Variants in MARCO observed in about 807,000 individuals in gnomAD.
MARCO encodes the protein macrophage receptor MARCO.
MARCO carries 72 observed loss-of-function variants against 70.0 expected under a neutral mutation model. The ratio of observed to expected loss-of-function variants is 1.03; its 90% CI spans 0.85 to 1.25. MARCO has a LOEUF of 1.25. Ranked by LOEUF, MARCO falls within the 50% of genes most tolerant of loss-of-function variation. MARCO has a pLI of 0.00. For missense variants in MARCO, 696 were observed against 659.3 expected (o/e 1.06, Z -0.61); for synonymous variants, 273 against 243.1 (o/e 1.12, Z -1.14).
chr2:118,969,109 C>T lies in MARCO; in HGVS notation c.98-51C>T, dbSNP rs775351528. The T allele has an allele frequency of 3.0e-6, 4 of 1,332,024 alleles. No individual in the cohort carries two copies. In the African/African-American group the frequency reaches 5.8e-5, roughly 19 times the overall value. 82.5% of individuals were successfully genotyped at this position (1,332,024 alleles called of 1,614,324 possible). A position where few individuals can be genotyped will look rare whatever the true frequency, so the allele number is the denominator to read the frequency against. ...TAGGGCCTGGAGCAGGCAGGGACTT[C>T]CTGTGCTGTGTTCTCTGCAGCAGCC... On this transcript the variant is annotated intron_variant, in intron 1 of 16. Coordinates refer to ENST00000327097, the MANE Select transcript of MARCO (RefSeq NM_006770.4).
At chr2:118,963,076 A>G (rs1053130355) in intron 1 of MARCO, among the ~76,000 whole-genome samples, 5 of 151,274 alleles carry the variant, frequency 3.3e-5, no homozygotes, top group African/African-American at 9.7e-5. Context: ...ATTTTTCTCT[A>G]TCTTCCTATT....
intron 8 of MARCO, among the ~76,000 whole-genome samples, chr2:118,981,057 G>T (rs931952290): frequency 3.9e-5 from 6 of 152,250 alleles, no homozygotes; most frequent in Non-Finnish European, 7.4e-5. Context: ...GAATACTCAG[G>T]TTTCAATTTT....
intron 13 of MARCO, 27 bp downstream of exon 13, chr2:118,990,660 C>G (rs768320477): frequency 1.9e-6 from 3 of 1,582,208 alleles, no homozygotes; most frequent in Admixed American, 3.4e-5. Flanking sequence ...ATCTTCATCC[C>G]TCGGAGTGAT....
intron 8 of MARCO, 113 bp from the exon 9 acceptor site, chr2:118,981,296 A>C: frequency 1.4e-6 from 1 of 706,546 alleles, no homozygotes; most frequent in Non-Finnish European, 2.4e-6. Context: ...ACCAAGTAGG[A>C]GCTCAAGGAG....
At chr2:118,958,286 A>T (rs1679875932) in intron 1 of MARCO, among the ~76,000 whole-genome samples, 1 of 152,100 alleles carries the variant, frequency 6.6e-6, no homozygotes, top group African/African-American at 2.4e-5. Flanking sequence ...AGAACTGATA[A>T]AAGAATTCAG....
At chr2:118,951,560 T>C (rs1387656279) in intron 1 of MARCO, among the ~76,000 whole-genome samples, 1 of 152,224 alleles carries the variant, frequency 6.6e-6, no homozygotes, top group Non-Finnish European at 1.5e-5. Context: ...ATTGAATGCA[T>C]TTGGGCCATC....
chr2:118,950,834 T>G (rs1679709291), intron 1 of MARCO, among the ~76,000 whole-genome samples: 1 of 152,128 alleles, frequency 6.6e-6, no homozygotes, highest in South Asian at 2.1e-4. Context: ...GCCATTCTTT[T>G]CCAAAGTGAA....
chr2:118,969,316 C>T, intron 2 of MARCO, 55 bp downstream of exon 2: 2 of 1,409,634 alleles, frequency 1.4e-6, no homozygotes, highest in Admixed American at 1.7e-5. Context: ...GGTGACCCAG[C>T]TGGGCCCCTC....
At chr2:118,987,491 A>G (rs759344149) in intron 12 of MARCO, among the ~76,000 whole-genome samples, 9 of 152,238 alleles carry the variant, frequency 5.9e-5, no homozygotes, top group Non-Finnish European at 1.3e-4. Flanking sequence ...CATTAAATAC[A>G]TATCAGAAGG....
rs1228672382 is a variant in MARCO, at chr2:118,993,199, G to A, written c.1328G>A (p.Trp443Ter). Residue 443 changes from tryptophan to a stop codon, truncating the protein, a stop_gained, in exon 16 of 17, where the codon TGG (tryptophan) becomes TAG (stop). Coordinates refer to ENST00000327097, the MANE Select transcript of MARCO (RefSeq NM_006770.4). LOFTEE classifies it high-confidence loss of function. ...GCTGAAGTTTACTACAGTGGTACCT[G>A]GGGGACAATTTGCGATGACGAGTGG... ...GRAEVYYSGT[W>*]GTICDDEWQN... 6.2e-7 allele frequency: 1 copy of A among 1,614,178 alleles called. No homozygotes were observed. Among genetic ancestry groups the A allele is most frequent in the South Asian group, 1.1e-5 (1 of 91,084 alleles).
At chr2:118,981,254 G>T (rs1289700633) in intron 8 of MARCO, among the ~76,000 whole-genome samples, 155 bp from the exon 9 acceptor site, 1 of 152,124 alleles carries the variant, frequency 6.6e-6, no homozygotes, top group Non-Finnish European at 1.5e-5. Flanking sequence ...TGCACTCCTT[G>T]AGGGCAGCGG....
chr2:118,967,982 T>G (rs1447861278), intron 1 of MARCO, among the ~76,000 whole-genome samples: 1 of 152,194 alleles, frequency 6.6e-6, no homozygotes, highest in Non-Finnish European at 1.5e-5. Flanking sequence ...TAGACCAACC[T>G]GGGGTCATAT....
chr2:118,965,187 G>T (rs997882408), intron 1 of MARCO, among the ~76,000 whole-genome samples: 1 of 152,126 alleles, frequency 6.6e-6, no homozygotes, highest in Admixed American at 6.5e-5. Flanking sequence ...TGAATTGTAG[G>T]TGTTTTGTTA....
chr2:118,960,435 T>C (rs1395587239), intron 1 of MARCO, among the ~76,000 whole-genome samples: 1 of 152,152 alleles, frequency 6.6e-6, no homozygotes, highest in Non-Finnish European at 1.5e-5. Flanking sequence ...GAAGTTCTCC[T>C]CTATTTCTAG....
At chr2:118,972,172 A>G (rs1680185773) in intron 4 of MARCO, among the ~76,000 whole-genome samples, 1 of 152,146 alleles carries the variant, frequency 6.6e-6, no homozygotes, top group African/African-American at 2.4e-5. Flanking sequence ...GCTGTCTGAC[A>G]ATGGCATGTG....
chr2:118,959,874 G>C (rs10184214), intron 1 of MARCO, among the ~76,000 whole-genome samples: 55,327 of 151,934 alleles, frequency 0.36, 12,184 homozygotes, highest in African/African-American at 0.6. Context: ...AATGGAAAAC[G>C]AAACATCATA....
Position 118,994,512 on chromosome 2 carries a change from A to G in MARCO, c.1555A>G (p.Ser519Gly). 1 of 1,593,810 alleles carries G rather than the reference A, an allele frequency of 6.3e-7. No homozygotes were observed. ...SHEEDAGVEC[S>G]V ...CGAGGAGGACGCAGGCGTGGAGTGC[A>G]GCGTCTGACCCGGAAACCCTTTCAC... Residue 519 changes from serine to glycine, a missense_variant, in exon 17 of 17, where the codon AGC (serine) becomes GGC (glycine). Transcript: ENST00000327097.
chr2:118,975,372 G>T (rs1371562), intron 6 of MARCO, among the ~76,000 whole-genome samples: 50,014 of 152,108 alleles, frequency 0.33, 9,474 homozygotes, highest in Non-Finnish European at 0.43. Context: ...CAAGGGAGTG[G>T]GGAGTAAACA....
At position 118,969,673 on chromosome 2, in the gene MARCO, G is replaced by A. The variant is rs188979234; in HGVS notation, c.199+412G>A. On this transcript the variant is annotated intron_variant, in intron 2 of 16. Transcript: ENST00000327097. The stretch of plus-strand genomic sequence containing the variant: ...ATCTAAAGGTTAAAGTCATGAAGTC[G>A]TTCCATGAGCAGACACTGAAGTCAC... Among the ~76,000 whole-genome samples the A allele has an allele frequency of 2.0e-3, 299 of 152,302 alleles. 1 individual carries two copies. Among genetic ancestry groups the A allele is most frequent in the Non-Finnish European group, 3.0e-3 (203 of 68,032 alleles).
Sources: allele counts gnomAD v4.1 joint callset (sites outside exome capture counted in the v4.1 genomes callset), GRCh38; gene constraint gnomAD v4.1.1; transcripts MANE v1.5; gene names NCBI Gene and HGNC (gene_info 2026-07-23, HGNC 2026-07-21).